The following FARS2 variants were observed in gnomAD, a reference collection of about 807,000 sequenced individuals.
The protein encoded by FARS2 is phenylalanyl-tRNA synthetase 2, mitochondrial.
In FARS2, 40 loss-of-function variants were observed where a neutral mutation model predicts 46.4. The ratio of observed to expected loss-of-function variants is 0.86; its 90% confidence interval spans 0.67 to 1.12. The LOEUF (loss-of-function observed/expected upper bound fraction) is 1.12, where lower values mean the gene tolerates loss of function less well. FARS2 is among the 50% of genes most tolerant of loss of function. The pLI is 0.00. For synonymous variants in FARS2, 234 were observed against 214.9 expected (o/e 1.09, Z -0.78); for missense variants, 513 against 567.9 (o/e 0.90, Z 0.98).
chr6:5,763,768 G>GT (rs77014974), intron 6 of FARS2, among the ~76,000 whole-genome samples: 2,435 of 65,382 alleles, frequency 0.037, 68 homozygotes, highest in African/African-American at 0.089. Flanking sequence ...TTCCCTTTTG[G>GT]TTTTTTTTTT....
chr6:5,462,399 C>G (rs1007414319), intron 4 of FARS2, among the ~76,000 whole-genome samples: 1 of 151,864 alleles, frequency 6.6e-6, no homozygotes, highest in Non-Finnish European at 1.5e-5. Context: ...TTAATGAAAT[C>G]TAATTCATCC....
At chr6:5,478,682 A>G (rs1279149526) in intron 4 of FARS2, among the ~76,000 whole-genome samples, 1 of 152,186 alleles carries the variant, frequency 6.6e-6, no homozygotes, top group African/African-American at 2.4e-5. Context: ...AACAACCAGC[A>G]CCACCATTAA....
chr6:5,526,310 A>G (rs1305791707), intron 4 of FARS2, among the ~76,000 whole-genome samples: 1 of 152,240 alleles, frequency 6.6e-6, no homozygotes, highest in Non-Finnish European at 1.5e-5. Flanking sequence ...TTTGGTTATG[A>G]GAATAAATCT....
At chr6:5,573,299 T>C (rs1385071777) in intron 5 of FARS2, among the ~76,000 whole-genome samples, 2 of 152,190 alleles carry the variant, frequency 1.3e-5, no homozygotes, top group South Asian at 4.1e-4. Context: ...ATTTCTCTCA[T>C]TGAAAACAAT....
At chr6:5,529,861 C>T (rs990429229) in intron 4 of FARS2, among the ~76,000 whole-genome samples, 1 of 152,118 alleles carries the variant, frequency 6.6e-6, no homozygotes, top group African/African-American at 2.4e-5. Flanking sequence ...GCAATTAGAA[C>T]CCTGCAACCA....
At chr6:5,714,777 C>T (rs2150908385) in intron 6 of FARS2, among the ~76,000 whole-genome samples, 1 of 152,182 alleles carries the variant, frequency 6.6e-6, no homozygotes, top group Non-Finnish European at 1.5e-5. Flanking sequence ...GTAATCCCAG[C>T]ACTTTGGGAG....
intron 6 of FARS2, among the ~76,000 whole-genome samples, chr6:5,633,511 A>G (rs1426247350): frequency 6.6e-6 from 1 of 151,812 alleles, no homozygotes; most frequent in Non-Finnish European, 1.5e-5. Context: ...CAGGTGATGC[A>G]CCCACTTCAG....
At chr6:5,276,769 A>T (rs1317743169) in intron 1 of FARS2, among the ~76,000 whole-genome samples, 1 of 152,152 alleles carries the variant, frequency 6.6e-6, no homozygotes, top group Non-Finnish European at 1.5e-5. Context: ...TTTGTGCAGG[A>T]TTAGCTGGCT....
chr6:5,554,113 T>C (rs1158325134), intron 5 of FARS2, among the ~76,000 whole-genome samples: 1 of 152,212 alleles, frequency 6.6e-6, no homozygotes, highest in Non-Finnish European at 1.5e-5. Context: ...GTTGTAAAAC[T>C]ATTACACTTG....
intron 5 of FARS2, among the ~76,000 whole-genome samples, chr6:5,590,239 G>A (rs1322409826): frequency 6.6e-6 from 1 of 152,166 alleles, no homozygotes; most frequent in South Asian, 2.1e-4. Context: ...TTTATAGAGC[G>A]AGATAAACAC....
At chr6:5,326,288 C>T (rs72815636) in intron 1 of FARS2, among the ~76,000 whole-genome samples, 1 of 152,334 alleles carries the variant, frequency 6.6e-6, no homozygotes, top group Non-Finnish European at 1.5e-5. Context: ...GCTCAAGGTA[C>T]CTGGCTAGTG....
chr6:5,602,656 A>AAG (rs1191903008), intron 5 of FARS2, among the ~76,000 whole-genome samples: 1 of 141,522 alleles, frequency 7.1e-6, no homozygotes, highest in African/African-American at 2.7e-5. Flanking sequence ...AAAAAAAAAA[A>AAG]AAAAAAAAAA....
rs187903923 is a variant in FARS2, at chr6:5,730,975, A to G, written c.1218-40316A>G. On this transcript the variant is annotated intron_variant, in intron 6 of 6. Transcript: ENST00000274680. ...ACTAAGTGGTAGAGCTGGGACACAG[A>G]CCCACACTGCTGGCTCTGAAAGCAT... Among the ~76,000 whole-genome samples the G allele has an allele frequency of 1.6e-3, 244 of 152,278 alleles. 2 individuals are homozygous for G. Among genetic ancestry groups the G allele is most frequent in the African/African-American group, 5.5e-3 (228 of 41,552 alleles).
chr6:5,680,579 G>T (rs1212280601), intron 6 of FARS2, among the ~76,000 whole-genome samples: 1 of 152,194 alleles, frequency 6.6e-6, no homozygotes, highest in African/African-American at 2.4e-5. Context: ...ATGGAAGATG[G>T]TTTATTGTTA....
At chr6:5,564,543 G>GT (rs1404724257) in intron 5 of FARS2, among the ~76,000 whole-genome samples, 1 of 152,168 alleles carries the variant, frequency 6.6e-6, no homozygotes, top group Non-Finnish European at 1.5e-5. Context: ...AATGACAAAT[G>GT]TAAGATAAAC....
At chr6:5,329,004 T>C (rs1222402730) in intron 1 of FARS2, among the ~76,000 whole-genome samples, 1 of 152,124 alleles carries the variant, frequency 6.6e-6, no homozygotes, top group Non-Finnish European at 1.5e-5. Context: ...GTGTCTTATC[T>C]CTATAACTTT....
At chr6:5,657,916 A>C (rs1219270226) in intron 6 of FARS2, among the ~76,000 whole-genome samples, 1 of 152,186 alleles carries the variant, frequency 6.6e-6, no homozygotes, top group South Asian at 2.1e-4. Context: ...CTCAACTTCA[A>C]TTTCCTCTTC....
upstream of FARS2, chr6:5,260,616 C>G (rs1308659822): frequency 6.7e-7 from 1 of 1,489,818 alleles, no homozygotes; most frequent in East Asian, 2.5e-5. Flanking sequence ...CCCTGGCCCC[C>G]CGCCCCCGGC....
intron 6 of FARS2, among the ~76,000 whole-genome samples, chr6:5,655,672 C>G (rs1273629240): frequency 6.6e-6 from 1 of 152,172 alleles, no homozygotes; most frequent in African/African-American, 2.4e-5. Context: ...TTGTGTCCAC[C>G]CAGACAATAC....
Sources: allele counts gnomAD v4.1 joint callset (sites outside exome capture counted in the v4.1 genomes callset), GRCh38; gene constraint gnomAD v4.1.1; transcripts MANE v1.5; gene names NCBI Gene and HGNC (gene_info 2026-07-23, HGNC 2026-07-21).